Variants in ZNF609 observed in about 807,000 individuals in gnomAD.
ZNF609 encodes the protein zinc finger protein 609.
A neutral mutation model predicts 109.5 loss-of-function variants in ZNF609; 11 were observed. The ratio of observed to expected loss-of-function variants is 0.10; its 90% CI spans 0.06 to 0.17. The LOEUF (loss-of-function observed/expected upper bound fraction) is 0.17, where lower values mean the gene tolerates loss of function less well. ZNF609 is among the 10% of genes least tolerant of loss of function. The pLI is 1.00. For synonymous variants in ZNF609, 646 were observed against 662.0 expected (o/e 0.98, Z 0.37); for missense variants, 1,559 against 1,772.4 (o/e 0.88, Z 2.16).
chr15:64,469,047 A>AAC (rs1555413461), intron 1 of ZNF609, among the ~76,000 whole-genome samples: 4 of 140,960 alleles, frequency 2.8e-5, no homozygotes, highest in African/African-American at 7.7e-5. Context: ...AAAAAAAAAA[A>AAC]AAAAAAAAAC....
chr15:64,513,259 A>G (rs534212200), intron 2 of ZNF609, among the ~76,000 whole-genome samples: 33 of 152,336 alleles, frequency 2.2e-4, no homozygotes, highest in African/African-American at 6.3e-4. Flanking sequence ...TATACACCAT[A>G]TTAGACTAGA....
chr15:64,502,458 G>A (rs557293182), intron 2 of ZNF609: 2 of 152,184 alleles, frequency 1.3e-5, no homozygotes, highest in South Asian at 4.2e-4. Context: ...AACAATCTCC[G>A]GTTTGGGGCA....
intron 3 of ZNF609, chr15:64,631,279 C>T (rs1178999218): frequency 1.5e-6 from 1 of 661,660 alleles, no homozygotes; most frequent in Non-Finnish European, 2.8e-6. Flanking sequence ...TTTCAGGAAG[C>T]TATCTTGGCT....
chr15:64,675,635 A>G lies in ZNF609; in HGVS notation c.2781A>G (p.Lys927=), dbSNP rs1339995231. ...AGVESQALKT[K]RDEEPESIEG... is the part of the protein sequence containing the mutation. ...TGGAGAGCCAGGCCCTGAAGACAAAAAGGGATGAGGAACCTGAGAGCATAG... is the reference window on the plus strand; with the variant it reads ...TGGAGAGCCAGGCCCTGAAGACAAAGAGGGATGAGGAACCTGAGAGCATAG... Residue 927 remains lysine (K), a synonymous_variant, in exon 5 of 10, where the codon AAA becomes AAG. Coordinates refer to ENST00000326648, the MANE Select transcript of ZNF609 (RefSeq NM_015042.2). 1.9e-6 allele frequency: 3 copies of G among 1,614,068 alleles called. No individual in the cohort carries two copies. The highest frequency in any genetic ancestry group is 2.5e-6 in the Non-Finnish European group (3 of 1,180,032).
At chr15:64,533,144 A>G (rs1056610781) in intron 2 of ZNF609, among the ~76,000 whole-genome samples, 2 of 151,124 alleles carry the variant, frequency 1.3e-5, no homozygotes, top group Non-Finnish European at 2.9e-5. Flanking sequence ...TCTACCTCCC[A>G]CGTTTAAGCG....
chr15:64,478,068 A>C (rs1365383142), intron 1 of ZNF609, among the ~76,000 whole-genome samples: 2 of 152,064 alleles, frequency 1.3e-5, no homozygotes, highest in Non-Finnish European at 1.5e-5. Context: ...TATTTATACC[A>C]CCAGCTTGTG....
At chr15:64,625,072 A>C (rs1202454246) in intron 3 of ZNF609, among the ~76,000 whole-genome samples, 1 of 152,054 alleles carries the variant, frequency 6.6e-6, no homozygotes, top group Admixed American at 6.6e-5. Flanking sequence ...TTGTACTCTT[A>C]AGGTACTCTA....
intron 2 of ZNF609, among the ~76,000 whole-genome samples, chr15:64,526,679 TCA>T (rs1056732545): frequency 1.3e-5 from 2 of 152,050 alleles, no homozygotes; most frequent in African/African-American, 4.8e-5. Context: ...AGTGGCACAA[TCA>T]CAGCTTACTG....
rs900828299 is a variant in ZNF609, at chr15:64,685,983, T to C, written c.*4297T>C. 6.6e-6 allele frequency: 1 copy of C among 152,222 alleles called. No homozygotes were observed. Among genetic ancestry groups the C allele is most frequent in the Non-Finnish European group, 1.5e-5 (1 of 68,040 alleles). 9.4% of individuals were successfully genotyped at this position (152,222 alleles called of 1,614,324 possible). A position where few individuals can be genotyped will look rare whatever the true frequency, so the allele number is the denominator to read the frequency against. On this transcript the variant is annotated 3_prime_UTR_variant, in exon 10 of 10. Coordinates refer to ENST00000326648, the MANE Select transcript of ZNF609 (RefSeq NM_015042.2). ...TTTTTCCCTTTCTCTCTACTTCCTC[T>C]TCTTAATTGGCTTTGGAATTGAAAT...
intron 2 of ZNF609, among the ~76,000 whole-genome samples, chr15:64,561,001 A>C (rs1017149532): frequency 1.3e-5 from 2 of 152,210 alleles, no homozygotes; most frequent in Non-Finnish European, 2.9e-5. Context: ...CCAAGGCCCC[A>C]AATTTCTACG....
chr15:64,478,889 A>G (rs1052912230), intron 1 of ZNF609, among the ~76,000 whole-genome samples: 3 of 152,206 alleles, frequency 2.0e-5, no homozygotes, highest in African/African-American at 7.2e-5. Flanking sequence ...GTGAATTTTA[A>G]AGCCAGCAGC....
At chr15:64,561,828 C>G (rs1213575870) in intron 2 of ZNF609, among the ~76,000 whole-genome samples, 1 of 152,114 alleles carries the variant, frequency 6.6e-6, no homozygotes, top group Non-Finnish European at 1.5e-5. Flanking sequence ...TCCTGAACAC[C>G]AGGAACTGAA....
chr15:64,536,112 C>T (rs1377931039), intron 2 of ZNF609, among the ~76,000 whole-genome samples: 1 of 152,112 alleles, frequency 6.6e-6, no homozygotes, highest in African/African-American at 2.4e-5. Context: ...CTTTGAACTC[C>T]TCAGCTCAAG....
chr15:64,567,467 G>C (rs1424802256), intron 2 of ZNF609, among the ~76,000 whole-genome samples: 1 of 151,428 alleles, frequency 6.6e-6, no homozygotes, highest in African/African-American at 2.4e-5. Context: ...TGGCGACAGA[G>C]CAAGACTCTG....
chr15:64,472,521 C>T (rs1235654565), intron 1 of ZNF609, among the ~76,000 whole-genome samples: 7 of 152,130 alleles, frequency 4.6e-5, no homozygotes, highest in African/African-American at 7.2e-5. Context: ...TAGGTGGGCA[C>T]TTTGTGTCTG....
At chr15:64,510,186 ATT>A (rs1893700713) in intron 2 of ZNF609, among the ~76,000 whole-genome samples, 2 of 145,038 alleles carry the variant, frequency 1.4e-5, no homozygotes, top group South Asian at 4.3e-4. Context: ...ATCACAACAC[ATT>A]GTTATAATTT....
intron 2 of ZNF609, among the ~76,000 whole-genome samples, chr15:64,622,166 A>G (rs1895886322): frequency 6.6e-6 from 1 of 152,192 alleles, no homozygotes; most frequent in Non-Finnish European, 1.5e-5. Flanking sequence ...TGCCATTCTC[A>G]TTAAACAACC....
At chr15:64,581,726 G>C (rs957437193) in intron 2 of ZNF609, among the ~76,000 whole-genome samples, 21 of 152,134 alleles carry the variant, frequency 1.4e-4, no homozygotes, top group African/African-American at 4.8e-4. Flanking sequence ...TGGGAGTAGG[G>C]CAAGTTAAGG....
chr15:64,612,217 G>A (rs956957180), intron 2 of ZNF609, among the ~76,000 whole-genome samples: 2 of 150,622 alleles, frequency 1.3e-5, no homozygotes, highest in Admixed American at 6.7e-5. Flanking sequence ...GCGCGACCTC[G>A]GCTCACTGCA....
Sources: allele counts gnomAD v4.1 joint callset (sites outside exome capture counted in the v4.1 genomes callset), GRCh38; gene constraint gnomAD v4.1.1; transcripts MANE v1.5; gene names NCBI Gene and HGNC (gene_info 2026-07-23, HGNC 2026-07-21).